Variants in CSMD1 observed in about 807,000 individuals in gnomAD.
CSMD1 encodes CUB and Sushi multiple domains 1, also known as CUB and sushi domain-containing protein 1.
Under a neutral mutation model 417.5 loss-of-function variants are expected in CSMD1, and 213 were observed. The ratio of observed to expected loss-of-function variants is 0.51; its 90% CI spans 0.46 to 0.57. The LOEUF (loss-of-function observed/expected upper bound fraction) is 0.57, where lower values mean the gene tolerates loss of function less well. CSMD1 is among the 20% of genes least tolerant of loss of function. The probability of loss-of-function intolerance (pLI) is 0.00; values close to 1 mark genes in which losing one functional copy is unlikely to be tolerated. For missense variants in CSMD1, 6,923 were observed against 4,529.7 expected (o/e 1.53, Z -15.17); for synonymous variants, 2,862 against 1,736.8 (o/e 1.65, Z -16.11).
At chr8:4,316,859 A>G (rs1217022125) in intron 3 of CSMD1, among the ~76,000 whole-genome samples, 1 of 152,020 alleles carries the variant, frequency 6.6e-6, no homozygotes, top group Non-Finnish European at 1.5e-5. Flanking sequence ...TCTATTAGTG[A>G]TGTTTTGTGG....
In CSMD1 at chr8:4,732,344, C is replaced by CGCGTGTGT. The variant is rs1554461217; in HGVS notation, c.86-94787_86-94786insACACACGC. Among the ~76,000 whole-genome samples the CGCGTGTGT allele has an allele frequency of 4.3e-5, 6 of 141,142 alleles. No homozygotes were observed. In the East Asian group the frequency reaches 6.4e-4, roughly 15 times the overall value. The allele number at this position is 141,142 out of a possible 152,430, so 92.6% of individuals were successfully genotyped here. On this transcript the variant is annotated intron_variant, in intron 1 of 69. Transcript: ENST00000635120. ...AGTTAATAGATTTAAATTTCTTCTG[C>CGCGTGTGT]GTGTGTGTGTGTGTGTGTGTGTGTG... is the stretch of plus-strand genomic sequence containing the variant.
In CSMD1 at chr8:3,893,345, A is replaced by ATG. The variant is rs1249910627; in HGVS notation, c.818+104557_818+104558insCA. Among the ~76,000 whole-genome samples the ATG allele has an allele frequency of 1.6e-3, 204 of 127,156 alleles. 6 individuals carry two copies. The East Asian group carries it at 0.018, about 11-fold the overall frequency. 83.4% of individuals were successfully genotyped at this position (127,156 alleles called of 152,430 possible). ...ACTAATAATATTCACAATTTTATAT[A>ATG]TATATATATATATATATTATTTTTT... On this transcript the variant is annotated intron_variant, in intron 5 of 69. Transcript: ENST00000635120.
intron 5 of CSMD1, among the ~76,000 whole-genome samples, chr8:3,972,794 C>T (rs1240288664): frequency 6.6e-6 from 1 of 152,150 alleles, no homozygotes; most frequent in Non-Finnish European, 1.5e-5. Flanking sequence ...TTTTAGGAAT[C>T]TATTTTATGG....
chr8:4,812,957 A>T (rs1459444448), intron 1 of CSMD1, among the ~76,000 whole-genome samples: 1 of 152,232 alleles, frequency 6.6e-6, no homozygotes, highest in Non-Finnish European at 1.5e-5. Context: ...AAATGTAAGA[A>T]TAAACAATTC....
At chr8:3,923,003 A>G (rs1011132680) in intron 5 of CSMD1, among the ~76,000 whole-genome samples, 1 of 152,176 alleles carries the variant, frequency 6.6e-6, no homozygotes, top group African/African-American at 2.4e-5. Flanking sequence ...ATTTCCATCT[A>G]TTCTTATATG....
chr8:3,588,628 T>G (rs758755669), intron 8 of CSMD1, among the ~76,000 whole-genome samples: 1 of 152,128 alleles, frequency 6.6e-6, no homozygotes, highest in African/African-American at 2.4e-5. Flanking sequence ...CCAACCAATA[T>G]TCCTTTACGT....
intron 12 of CSMD1, among the ~76,000 whole-genome samples, chr8:3,420,174 A>G (rs1813398097): frequency 6.6e-6 from 1 of 152,212 alleles, no homozygotes; most frequent in Non-Finnish European, 1.5e-5. Flanking sequence ...ATTATTTGAT[A>G]AAAGTCCTTA....
At chr8:4,264,895 A>G (rs114687349) in intron 3 of CSMD1, among the ~76,000 whole-genome samples, 1 of 152,228 alleles carries the variant, frequency 6.6e-6, no homozygotes, top group Non-Finnish European at 1.5e-5. Context: ...CAGAGAAAAC[A>G]TGTAGGAATT....
chr8:4,328,170 A>C (rs376830851), intron 3 of CSMD1, among the ~76,000 whole-genome samples: 1 of 152,116 alleles, frequency 6.6e-6, no homozygotes, highest in Non-Finnish European at 1.5e-5. Flanking sequence ...ATTCGAGGTC[A>C]CATTATAAGA....
intron 4 of CSMD1, among the ~76,000 whole-genome samples, chr8:4,022,689 G>A (rs1796850171): frequency 6.6e-6 from 1 of 152,158 alleles, no homozygotes; most frequent in Admixed American, 6.5e-5. Context: ...GGAAATGAAG[G>A]CAAGTGGGAT....
At chr8:4,893,798 A>G (rs766081395) in intron 1 of CSMD1, among the ~76,000 whole-genome samples, 23 of 152,084 alleles carry the variant, frequency 1.5e-4, no homozygotes, top group Non-Finnish European at 3.1e-4. Context: ...TTCAGATTCC[A>G]ATGTCTTTTT....
intron 5 of CSMD1, among the ~76,000 whole-genome samples, chr8:3,917,312 G>A (rs951343250): frequency 2.6e-5 from 4 of 152,104 alleles, no homozygotes; most frequent in African/African-American, 9.7e-5. Context: ...GGGAGTAGCA[G>A]ACTCAGGAGT....
chr8:3,243,085 G>C (rs1799649743), intron 26 of CSMD1, among the ~76,000 whole-genome samples: 2 of 152,172 alleles, frequency 1.3e-5, no homozygotes, highest in South Asian at 2.1e-4. Context: ...ACAGAAGGGA[G>C]AGATTGAAGG....
At chr8:4,977,160 G>C (rs989737797) in intron 1 of CSMD1, among the ~76,000 whole-genome samples, 2 of 152,052 alleles carry the variant, frequency 1.3e-5, no homozygotes, top group African/African-American at 2.4e-5. Context: ...CATTTGTTTT[G>C]AACTTTTCCT....
chr8:4,725,507 T>G (rs1342540679), intron 1 of CSMD1, among the ~76,000 whole-genome samples: 1 of 152,314 alleles, frequency 6.6e-6, no homozygotes, highest in South Asian at 2.1e-4. Flanking sequence ...CAAGGGCATA[T>G]CGCACAGAGA....
At chr8:3,761,630 T>C (rs1798007911) in intron 5 of CSMD1, among the ~76,000 whole-genome samples, 2 of 151,546 alleles carry the variant, frequency 1.3e-5, no homozygotes, top group South Asian at 2.1e-4. Context: ...CTCAGACTGC[T>C]GAGTATCTGG....
At chr8:4,135,273 C>T (rs1803350045) in intron 3 of CSMD1, among the ~76,000 whole-genome samples, 1 of 149,190 alleles carries the variant, frequency 6.7e-6, no homozygotes, top group Non-Finnish European at 1.5e-5. Flanking sequence ...CCTTAACAAC[C>T]ATTAGAAGGA....
intron 2 of CSMD1, among the ~76,000 whole-genome samples, chr8:4,435,651 A>T (rs1798107557): frequency 6.6e-6 from 1 of 152,180 alleles, no homozygotes; most frequent in Non-Finnish European, 1.5e-5. Context: ...CCCTGGGGGA[A>T]GGGGATTTCC....
At chr8:4,651,797 G>A (rs1253088328) in intron 1 of CSMD1, among the ~76,000 whole-genome samples, 11 of 152,138 alleles carry the variant, frequency 7.2e-5, no homozygotes, top group Non-Finnish European at 1.6e-4. Context: ...ATTATTAGGG[G>A]TGACCTAATT....
Sources: gnomAD v4.1 joint callset for allele counts (sites outside exome capture counted in the v4.1 genomes callset) on GRCh38, gnomAD v4.1.1 for gene constraint, MANE v1.5 for transcripts, NCBI Gene and HGNC (gene_info 2026-07-23, HGNC 2026-07-21) for gene names.